Variants in TESK2 observed in about 807,000 individuals in gnomAD.
TESK2 encodes dual specificity testis-specific protein kinase 2.
In TESK2, 39 loss-of-function variants were observed where a neutral mutation model predicts 57.1. The ratio of observed to expected loss-of-function variants is 0.68; its 90% CI spans 0.53 to 0.89. TESK2 has a LOEUF of 0.89. TESK2 is among the 40% of genes least tolerant of loss of function. The probability of loss-of-function intolerance (pLI) is 0.00; values close to 1 mark genes in which losing one functional copy is unlikely to be tolerated. For missense variants in TESK2, 646 were observed against 732.1 expected, an observed-to-expected ratio of 0.88 and a Z score of 1.36; for synonymous variants, 249 against 267.9, an observed-to-expected ratio of 0.93 and a Z score of 0.69.
chr1:45,384,152 C>T (rs1648766112), intron 4 of TESK2, among the ~76,000 whole-genome samples: 2 of 152,098 alleles, frequency 1.3e-5, no homozygotes, highest in Non-Finnish European at 2.9e-5. Flanking sequence ...ATTATATCAA[C>T]AGCATTTGCC....
intron 4 of TESK2, among the ~76,000 whole-genome samples, chr1:45,364,425 G>A (rs1647822527): frequency 6.6e-6 from 1 of 152,204 alleles, no homozygotes; most frequent in Non-Finnish European, 1.5e-5. Context: ...CCTACCAGAA[G>A]CTAGGAAAAG....
intron 1 of TESK2, among the ~76,000 whole-genome samples, chr1:45,481,626 A>G (rs1231909725): frequency 6.6e-6 from 1 of 152,190 alleles, no homozygotes; most frequent in Non-Finnish European, 1.5e-5. Flanking sequence ...TGTATTACAT[A>G]CAGATTTTTT....
intron 2 of TESK2, among the ~76,000 whole-genome samples, chr1:45,452,028 G>A (rs1359029341): frequency 1.3e-4 from 7 of 54,468 alleles, no homozygotes; most frequent in South Asian, 4.7e-4. Flanking sequence ...ACAAGACTCC[G>A]TCTCAAAAAA....
intron 5 of TESK2, among the ~76,000 whole-genome samples, chr1:45,355,076 T>C (rs1015105994): frequency 6.6e-6 from 1 of 151,788 alleles, no homozygotes; most frequent in Non-Finnish European, 1.5e-5. Context: ...CTCAGGAGAC[T>C]GAGGCACGAG....
chr1:45,482,740 G>A (rs1280091605), intron 1 of TESK2, among the ~76,000 whole-genome samples: 5 of 142,730 alleles, frequency 3.5e-5, no homozygotes, highest in Non-Finnish European at 6.2e-5. Context: ...GGCACCCTGG[G>A]AGGCCAAGGG....
At chr1:45,385,824 G>A in intron 4 of TESK2, 88 bp downstream of exon 4, 3 of 892,248 alleles carry the variant, frequency 3.4e-6, no homozygotes, top group Admixed American at 2.4e-5. Context: ...CATACATTTT[G>A]TTTACATATG....
At chr1:45,395,476 G>T (rs545572481) in intron 3 of TESK2, among the ~76,000 whole-genome samples, 37 of 152,056 alleles carry the variant, frequency 2.4e-4, no homozygotes, top group African/African-American at 8.5e-4. Flanking sequence ...GTCTGTTGTT[G>T]ACCAAAACAT....
Position 45,443,294 on chromosome 1 carries a change from G to A in TESK2, c.222+14270C>T, listed in dbSNP as rs1429686767. ...AAGACAAATAAACTGGCCGGGCATG[G>A]TGGTTCATGCCTGTAATCCCAACAC... On this transcript the variant is annotated intron_variant, in intron 2 of 10. Coordinates refer to ENST00000372086, the MANE Select transcript of TESK2 (RefSeq NM_007170.3). Among the ~76,000 whole-genome samples the A allele has an allele frequency of 2.0e-5, 3 of 152,152 alleles. 1 individual carries two copies. In the South Asian group the frequency reaches 6.2e-4, roughly 32 times the overall value.
chr1:45,406,265 C>A (rs950630526), intron 3 of TESK2, among the ~76,000 whole-genome samples: 2 of 152,094 alleles, frequency 1.3e-5, no homozygotes, highest in African/African-American at 4.8e-5. Flanking sequence ...TTTAAAATTT[C>A]TCAATAAAAT....
intron 1 of TESK2, among the ~76,000 whole-genome samples, chr1:45,480,160 T>C (rs1341645131): frequency 6.6e-6 from 1 of 150,776 alleles, no homozygotes; most frequent in African/African-American, 2.4e-5. Flanking sequence ...ATCCAAAAGC[T>C]ATAAAAGAAA....
At chr1:45,455,859 A>G (rs1036504895) in intron 2 of TESK2, among the ~76,000 whole-genome samples, 3 of 150,880 alleles carry the variant, frequency 2.0e-5, no homozygotes, top group African/African-American at 7.3e-5. Context: ...GTTTTGGTCC[A>G]AAAAAAAACA....
At chr1:45,406,865 A>G (rs1412999662) in intron 3 of TESK2, among the ~76,000 whole-genome samples, 1 of 152,124 alleles carries the variant, frequency 6.6e-6, no homozygotes, top group Non-Finnish European at 1.5e-5. Context: ...TCACCTCCTC[A>G]GAGGGAACCA....
chr1:45,437,332 G>A (rs1165091161), intron 2 of TESK2, among the ~76,000 whole-genome samples: 1 of 151,908 alleles, frequency 6.6e-6, no homozygotes, highest in Non-Finnish European at 1.5e-5. Context: ...TACTGTAATT[G>A]GGATTGCCTT....
chr1:45,385,472 A>G (rs1191327073), intron 4 of TESK2: 4 of 337,716 alleles, frequency 1.2e-5, no homozygotes, highest in Non-Finnish European at 1.7e-5. Context: ...CAGGACAGCA[A>G]ACATTACCAG....
chr1:45,436,901 G>A (rs753915763), intron 2 of TESK2, among the ~76,000 whole-genome samples: 2 of 151,232 alleles, frequency 1.3e-5, no homozygotes, highest in African/African-American at 2.4e-5. Flanking sequence ...AGGCTCAAGC[G>A]ATCCTCCCGC....
At chr1:45,388,395 T>C (rs1648984439) in intron 3 of TESK2, among the ~76,000 whole-genome samples, 2 of 152,226 alleles carry the variant, frequency 1.3e-5, no homozygotes, top group South Asian at 2.1e-4. Flanking sequence ...AAGTAAAATA[T>C]GATAAGCTAC....
chr1:45,356,561 G>A lies in TESK2; in HGVS notation c.394-1112C>T, dbSNP rs1360804124. On this transcript the variant is annotated intron_variant, in intron 4 of 10. Transcript: ENST00000372086. ...GCCTGGGAGGTTGAGGCTGCAGTGAGCTAAGATCATGCCAATGCACTCCAG... is the reference window on the plus strand; with the variant it reads ...GCCTGGGAGGTTGAGGCTGCAGTGAACTAAGATCATGCCAATGCACTCCAG... Among the ~76,000 whole-genome samples, 16 of 150,314 alleles carry A rather than the reference G, an allele frequency of 1.1e-4. No individual in the cohort carries two copies. In the Admixed American group the frequency reaches 1.1e-3, roughly 10 times the overall value.
chr1:45,395,819 A>G (rs1454830374), intron 3 of TESK2, among the ~76,000 whole-genome samples: 1 of 152,034 alleles, frequency 6.6e-6, no homozygotes, highest in East Asian at 1.9e-4. Context: ...ACTATGTTTT[A>G]TCACATGCCT....
intron 2 of TESK2, among the ~76,000 whole-genome samples, chr1:45,435,562 ATTTTTTTT>A (rs750074178): frequency 2.9e-5 from 2 of 68,886 alleles, no homozygotes; most frequent in Non-Finnish European, 5.3e-5. Context: ...CTGTGGTCTA[ATTTTTTTT>A]TTTTTTTTTT....
Sources: allele counts gnomAD v4.1 joint callset (sites outside exome capture counted in the v4.1 genomes callset), GRCh38; gene constraint gnomAD v4.1.1; transcripts MANE v1.5; gene names NCBI Gene and HGNC (gene_info 2026-07-23, HGNC 2026-07-21).